Variants in OSMR observed in about 807,000 individuals in gnomAD.
OSMR encodes the protein oncostatin-M-specific receptor subunit beta.
Under a neutral mutation model 99.9 loss-of-function variants are expected in OSMR, and 81 were observed. The observed-to-expected ratio is 0.81, with a 90% CI of 0.68 to 0.97. The LOEUF is 0.97. Among genes scored for constraint, OSMR ranks in the 50% least tolerant of loss-of-function variants. OSMR has a pLI of 0.00. For synonymous variants in OSMR, 406 were observed against 410.4 expected (o/e 0.99, Z 0.13); for missense variants, 1,099 against 1,153.4 (o/e 0.95, Z 0.68).
chr5:38,924,728 T>C, intron 14 of OSMR, 133 bp downstream of exon 14: 1 of 831,230 alleles, frequency 1.2e-6, no homozygotes, highest in South Asian at 1.4e-5. Context: ...ACTGGAAAGG[T>C]GTTCTTAAGC....
chr5:38,879,540 T>G (rs1743098806), intron 3 of OSMR, among the ~76,000 whole-genome samples: 2 of 152,082 alleles, frequency 1.3e-5, no homozygotes, highest in Non-Finnish European at 1.5e-5. Context: ...AGTCTGTGAC[T>G]TGTTGGCATT....
chr5:38,941,537 T>A (rs1258662936), intron 1 of OSMR: 1 of 231,050 alleles, frequency 4.3e-6, no homozygotes, highest in Non-Finnish European at 8.6e-6. Context: ...ATTCTATAAA[T>A]GGGAAATATT....
intron 7 of OSMR, among the ~76,000 whole-genome samples, chr5:38,899,817 TCTC>T (rs1744778877): frequency 1.3e-5 from 2 of 152,046 alleles, no homozygotes; most frequent in African/African-American, 4.8e-5. Context: ...TTCCCCCTCT[TCTC>T]CTCACGCAGA....
chr5:38,908,309 G>C (rs905343313), intron 9 of OSMR, among the ~76,000 whole-genome samples: 27 of 152,302 alleles, frequency 1.8e-4, no homozygotes, highest in African/African-American at 5.3e-4. Flanking sequence ...TGCCAGCACT[G>C]TCACTGGCAC....
intron 7 of OSMR, 27 bp downstream of exon 7, chr5:38,886,217 C>T (rs1048773051): frequency 6.2e-6 from 10 of 1,613,986 alleles, no homozygotes; most frequent in Non-Finnish European, 7.6e-6. Flanking sequence ...CACAGCCCAC[C>T]GTGGCCACTA....
At chr5:38,858,584 A>G (rs903120824) in intron 1 of OSMR, among the ~76,000 whole-genome samples, 25 of 152,072 alleles carry the variant, frequency 1.6e-4, no homozygotes, top group African/African-American at 5.8e-4. Context: ...GGGTGCAGGG[A>G]TCCCTTTTAT....
chr5:38,904,528 C>T (rs200667599), intron 9 of OSMR, 25 bp downstream of exon 9: 1 of 1,614,012 alleles, frequency 6.2e-7, no homozygotes, highest in East Asian at 2.2e-5. Flanking sequence ...TGGCATTTAA[C>T]CCAAAGAAGT....
At position 38,857,152 on chromosome 5, in the gene OSMR, T is replaced by C. The variant is rs551286921; in HGVS notation, c.-14+10765T>C. Among the ~76,000 whole-genome samples the C allele has an allele frequency of 2.0e-5, 3 of 152,340 alleles. No homozygotes were observed. The East Asian group carries it at 5.8e-4, about 29-fold the overall frequency. On this transcript the variant is annotated intron_variant, in intron 1 of 17. Transcript: ENST00000274276. Reference sequence around the variant, plus strand: ...CCTTAATTTTTTGTGACATGTAAAATACTCGATATTCTAGGAAAACATCAA... The same window carrying C: ...CCTTAATTTTTTGTGACATGTAAAACACTCGATATTCTAGGAAAACATCAA...
chr5:38,931,449 G>A (rs112535057), intron 15 of OSMR, among the ~76,000 whole-genome samples: 4 of 152,312 alleles, frequency 2.6e-5, no homozygotes, highest in East Asian at 1.9e-4. Flanking sequence ...AGGAACACAA[G>A]AGGGCAAGCC....
At chr5:38,862,112 T>A (rs1741433881) in intron 1 of OSMR, among the ~76,000 whole-genome samples, 4 of 81,800 alleles carry the variant, frequency 4.9e-5, no homozygotes, top group Non-Finnish European at 7.4e-5. Context: ...ACCCCCCACC[T>A]CCCTCCCGGA....
intron 2 of OSMR, among the ~76,000 whole-genome samples, chr5:38,874,438 C>T (rs1742644561): frequency 6.6e-6 from 1 of 152,180 alleles, no homozygotes; most frequent in Non-Finnish European, 1.5e-5. Context: ...GTTCATCTCA[C>T]TTTCATAGAA....
chr5:38,905,878 T>C (rs753318913), intron 9 of OSMR, among the ~76,000 whole-genome samples: 1 of 152,202 alleles, frequency 6.6e-6, no homozygotes, highest in Non-Finnish European at 1.5e-5. Flanking sequence ...CAGAACTCTT[T>C]CTGTCTGATT....
chr5:38,944,623 T>G, intron 2 of OSMR: 2 of 1,429,236 alleles, frequency 1.4e-6, no homozygotes, highest in African/African-American at 2.9e-5. Flanking sequence ...ATAAAATGAT[T>G]AAAACTCATG....
At chr5:38,885,866 T>C (rs1743699697) in intron 6 of OSMR, 173 bp from the exon 7 acceptor site, 1 of 985,056 alleles carries the variant, frequency 1.0e-6, no homozygotes, top group Non-Finnish European at 1.2e-6. Flanking sequence ...TATGTCAAAT[T>C]TGTAGAAACA....
At chr5:38,852,487 A>G (rs1740456643) in intron 1 of OSMR, among the ~76,000 whole-genome samples, 2 of 152,122 alleles carry the variant, frequency 1.3e-5, no homozygotes, top group Admixed American at 6.5e-5. Context: ...AACGTTACCA[A>G]TTGGATACTA....
In OSMR at chr5:38,933,401, TCTC is replaced by T. The variant is rs1484753393; in HGVS notation, c.2901_2903del (p.Ser968del). On this transcript the variant is annotated inframe_deletion, in exon 18 of 18. Coordinates refer to ENST00000274276, the MANE Select transcript of OSMR (RefSeq NM_003999.3). The stretch of plus-strand genomic sequence containing the variant: ...CCTCCCCCGACCGAGAATAGCAGCC[TCTC>T]CTCAATTACCCTTTTAGATCCAGGT... 1 of 1,613,790 alleles carries T rather than the reference TCTC, an allele frequency of 6.2e-7. No homozygotes were observed. Among genetic ancestry groups the T allele is most frequent in the African/African-American group, 1.3e-5 (1 of 74,850 alleles).
chr5:38,903,590 C>A (rs1014836256), intron 7 of OSMR: 1 of 161,196 alleles, frequency 6.2e-6, no homozygotes, highest in Non-Finnish European at 1.3e-5. Context: ...CCGCTGTGGG[C>A]CATCTTCTCC....
chr5:38,861,962 G>A (rs1425218606), intron 1 of OSMR, among the ~76,000 whole-genome samples: 3 of 132,388 alleles, frequency 2.3e-5, no homozygotes, highest in Non-Finnish European at 4.9e-5. Flanking sequence ...GTGGCTGGCC[G>A]GGCGGGGGAC....
At chr5:38,860,595 G>C (rs1741212681) in intron 1 of OSMR, among the ~76,000 whole-genome samples, 1 of 152,154 alleles carries the variant, frequency 6.6e-6, no homozygotes, top group African/African-American at 2.4e-5. Context: ...ATTAGTTAGA[G>C]AGAATTTCCT....
Sources: gnomAD v4.1 joint callset for allele counts (sites outside exome capture counted in the v4.1 genomes callset) on GRCh38, gnomAD v4.1.1 for gene constraint, MANE v1.5 for transcripts, NCBI Gene and HGNC (gene_info 2026-07-23, HGNC 2026-07-21) for gene names.